Variants in PLCB4 observed in about 807,000 individuals in gnomAD.
PLCB4 encodes the protein 1-phosphatidylinositol 4,5-bisphosphate phosphodiesterase beta-4.
Under a neutral mutation model 178.8 loss-of-function variants are expected in PLCB4, and 77 were observed. That is an observed-to-expected ratio of 0.43 (90% confidence interval 0.36 to 0.52). The LOEUF is 0.52. Among genes scored for constraint, PLCB4 ranks in the 20% least tolerant of loss-of-function variants. The pLI, the probability that PLCB4 is intolerant of heterozygous loss-of-function variation, is 0.00. For synonymous variants in PLCB4, 496 were observed against 490.8 expected (o/e 1.01, Z -0.14); for missense variants, 1,024 against 1,453.4 (o/e 0.70, Z 4.80).
chr20:9,395,091 G>C (rs1305387794), intron 18 of PLCB4, among the ~76,000 whole-genome samples: 1 of 152,088 alleles, frequency 6.6e-6, no homozygotes, highest in East Asian at 1.9e-4. Context: ...CATTAAATCA[G>C]TTGCAAATAT....
intron 15 of PLCB4, among the ~76,000 whole-genome samples, chr20:9,389,336 A>C (rs1428873265): frequency 6.6e-6 from 1 of 152,102 alleles, no homozygotes; most frequent in East Asian, 1.9e-4. Context: ...GGCTAATAGG[A>C]AACAAGGGAT....
chr20:9,400,243 A>G (rs992818992), intron 19 of PLCB4, among the ~76,000 whole-genome samples: 3 of 152,114 alleles, frequency 2.0e-5, no homozygotes, highest in African/African-American at 7.2e-5. Context: ...CACAAAATAA[A>G]ACAGTCTATC....
chr20:9,233,863 G>T (rs576394158), intron 3 of PLCB4, among the ~76,000 whole-genome samples: 76 of 152,186 alleles, frequency 5.0e-4, no homozygotes, highest in Admixed American at 3.5e-3. Context: ...TGTTTTAAAT[G>T]GAATGGGAAT....
chr20:9,288,878 G>A (rs1034060262), intron 3 of PLCB4, among the ~76,000 whole-genome samples: 2 of 152,054 alleles, frequency 1.3e-5, no homozygotes, highest in Non-Finnish European at 2.9e-5. Context: ...ACAGTGAGTT[G>A]ACAGTTAGGA....
At chr20:9,336,408 G>A (rs555449516) in intron 4 of PLCB4, among the ~76,000 whole-genome samples, 7 of 152,206 alleles carry the variant, frequency 4.6e-5, no homozygotes, top group African/African-American at 1.2e-4. Context: ...TCATTCAAAC[G>A]TCATTCTGTA....
Position 9,423,643 on chromosome 20 carries a change from T to A in PLCB4, c.2320-105T>A, listed in dbSNP as rs2040801665. The A allele has an allele frequency of 6.0e-6, 5 of 830,314 alleles. No homozygotes were observed. The South Asian group carries it at 7.9e-5, about 13-fold the overall frequency. 51.4% of individuals were successfully genotyped at this position (830,314 alleles called of 1,614,324 possible). A position where few individuals can be genotyped will look rare whatever the true frequency, so the allele number is the denominator to read the frequency against. On this transcript the variant is annotated intron_variant, in intron 27 of 39. Coordinates refer to ENST00000378473, the MANE Select transcript of PLCB4 (RefSeq NM_001377142.1). ...ATGGATCATGGACTTACTTTCAACATCAGGGAACATTTAAGAACAGCATGG... is the reference window on the plus strand; with the variant it reads ...ATGGATCATGGACTTACTTTCAACAACAGGGAACATTTAAGAACAGCATGG...
At chr20:9,439,337 T>C (rs1389386458) in intron 30 of PLCB4, among the ~76,000 whole-genome samples, 2 of 152,206 alleles carry the variant, frequency 1.3e-5, no homozygotes, top group African/African-American at 2.4e-5. Flanking sequence ...GTTCATATGG[T>C]ACTCCCTGAG....
At chr20:9,361,591 T>C (rs1206387760) in intron 7 of PLCB4, among the ~76,000 whole-genome samples, 2 of 152,226 alleles carry the variant, frequency 1.3e-5, no homozygotes, top group African/African-American at 4.8e-5. Flanking sequence ...ATGAATGTAC[T>C]TACTGCCACT....
At chr20:9,330,613 T>C (rs1467922602) in intron 4 of PLCB4, among the ~76,000 whole-genome samples, 2 of 152,116 alleles carry the variant, frequency 1.3e-5, no homozygotes, top group African/African-American at 2.4e-5. Context: ...TGAACCTTTT[T>C]CCCCCCTTCT....
chr20:9,334,353 G>A (rs1029424223), intron 4 of PLCB4, among the ~76,000 whole-genome samples: 8 of 152,072 alleles, frequency 5.3e-5, no homozygotes, highest in Non-Finnish European at 7.4e-5. Context: ...TTGCTCAGAT[G>A]GTATGAAGAG....
At chr20:9,114,932 C>T (rs1214454426) in intron 2 of PLCB4, among the ~76,000 whole-genome samples, 1 of 152,070 alleles carries the variant, frequency 6.6e-6, no homozygotes, top group Non-Finnish European at 1.5e-5. Context: ...GTGACACCGG[C>T]CTTTGGTTGC....
intron 3 of PLCB4, among the ~76,000 whole-genome samples, chr20:9,261,960 C>T (rs769589861): frequency 5.3e-5 from 8 of 152,156 alleles, no homozygotes; most frequent in Admixed American, 2.6e-4. Flanking sequence ...TTCCTTTTGG[C>T]TGTGTTGTTT....
chr20:9,185,390 C>G (rs1382150470), intron 2 of PLCB4, among the ~76,000 whole-genome samples: 3 of 152,146 alleles, frequency 2.0e-5, no homozygotes, highest in African/African-American at 7.2e-5. Context: ...ACTCCTCTCT[C>G]TCACACTCAC....
chr20:9,113,294 C>G (rs915584079), intron 2 of PLCB4, among the ~76,000 whole-genome samples: 3 of 152,156 alleles, frequency 2.0e-5, no homozygotes, highest in African/African-American at 7.2e-5. Context: ...AAGAATGCTT[C>G]CTCAGATAGC....
chr20:9,106,347 A>AT (rs1209751640), intron 2 of PLCB4, among the ~76,000 whole-genome samples: 2 of 151,950 alleles, frequency 1.3e-5, no homozygotes, highest in Non-Finnish European at 2.9e-5. Flanking sequence ...AAAATGACAA[A>AT]TAAAAACAAG....
chr20:9,295,786 GT>G (rs1460310803), intron 3 of PLCB4, among the ~76,000 whole-genome samples: 1 of 152,158 alleles, frequency 6.6e-6, no homozygotes, highest in Non-Finnish European at 1.5e-5. Context: ...CTACATCTCT[GT>G]TTTGGTACCA....
intron 2 of PLCB4, among the ~76,000 whole-genome samples, chr20:9,110,448 C>T (rs919489924): frequency 6.6e-6 from 1 of 152,104 alleles, no homozygotes. Flanking sequence ...AAAGACTAAA[C>T]AGTGTTTAGA....
At chr20:9,458,297 A>G (rs974816787) in intron 34 of PLCB4, among the ~76,000 whole-genome samples, 1 of 152,190 alleles carries the variant, frequency 6.6e-6, no homozygotes, top group African/African-American at 2.4e-5. Flanking sequence ...AGAGGCAGTA[A>G]GGCATGTGTC....
intron 1 of PLCB4, among the ~76,000 whole-genome samples, chr20:9,069,835 T>C (rs2089474937): frequency 6.6e-6 from 1 of 152,222 alleles, no homozygotes; most frequent in Non-Finnish European, 1.5e-5. Context: ...TGCAACTTTA[T>C]CTAGAATCAT....
Sources: allele counts gnomAD v4.1 joint callset (sites outside exome capture counted in the v4.1 genomes callset), GRCh38; gene constraint gnomAD v4.1.1; transcripts MANE v1.5; gene names NCBI Gene and HGNC (gene_info 2026-07-23, HGNC 2026-07-21).